MAPK4: variants seen among roughly 807,000 people sequenced by gnomAD.
The protein encoded by MAPK4 is mitogen-activated protein kinase 4, also known as Erk3-related.
Under a neutral mutation model 47.7 loss-of-function variants are expected in MAPK4, and 22 were observed. The observed-to-expected ratio is 0.46, with a 90% CI of 0.33 to 0.66. MAPK4 has a LOEUF of 0.66. Among genes scored for constraint, MAPK4 ranks in the 30% least tolerant of loss-of-function variants. The pLI is 0.02. For synonymous variants in MAPK4, 390 were observed against 365.7 expected, an observed-to-expected ratio of 1.07 and a Z score of -0.76; for missense variants, 736 against 831.7, an observed-to-expected ratio of 0.88 and a Z score of 1.42.
intron 1 of MAPK4, among the ~76,000 whole-genome samples, chr18:50,660,861 C>T (rs1017281246): frequency 3.3e-5 from 5 of 152,138 alleles, no homozygotes; most frequent in African/African-American, 9.7e-5. Context: ...AGGCTTGCCA[C>T]GTTGACATCG....
At chr18:50,706,457 G>GTTTT (rs762283107) in intron 2 of MAPK4, among the ~76,000 whole-genome samples, 1 of 140,266 alleles carries the variant, frequency 7.1e-6, no homozygotes. Context: ...CTGAACGTCA[G>GTTTT]TTTTTTTTTT....
At chr18:50,657,353 C>G (rs2043120673) in intron 1 of MAPK4, among the ~76,000 whole-genome samples, 1 of 152,130 alleles carries the variant, frequency 6.6e-6, no homozygotes, top group South Asian at 2.1e-4. Context: ...ACCCAGGGAC[C>G]AGGGAGCGCT....
chr18:50,713,181 T>C (rs531823214), intron 2 of MAPK4, among the ~76,000 whole-genome samples: 1 of 152,318 alleles, frequency 6.6e-6, no homozygotes, highest in Admixed American at 6.5e-5. Flanking sequence ...CGTATCTTGA[T>C]TGTGATGGTG....
chr18:50,649,114 G>A (rs1396796674), intron 1 of MAPK4, among the ~76,000 whole-genome samples: 1 of 152,174 alleles, frequency 6.6e-6, no homozygotes, highest in Non-Finnish European at 1.5e-5. Context: ...TAGGCCCTGG[G>A]TGCCAATCTT....
intron 1 of MAPK4, among the ~76,000 whole-genome samples, chr18:50,634,581 G>C (rs893520122): frequency 6.6e-6 from 1 of 152,076 alleles, no homozygotes; most frequent in Non-Finnish European, 1.5e-5. Flanking sequence ...TTTAGAGTGG[G>C]GATCAACTGT....
chr18:50,725,625 C>G (rs1029521503), intron 4 of MAPK4, among the ~76,000 whole-genome samples: 1 of 152,218 alleles, frequency 6.6e-6, no homozygotes. Context: ...CACTCCCCCA[C>G]CTGTGCTTGC....
intron 5 of MAPK4, among the ~76,000 whole-genome samples, chr18:50,728,655 C>T (rs1481947867): frequency 6.6e-6 from 1 of 152,218 alleles, no homozygotes; most frequent in Non-Finnish European, 1.5e-5. Flanking sequence ...CTCACTGGAG[C>T]CTTGCTCCTC....
chr18:50,663,751 C>T lies in MAPK4; in HGVS notation c.-208C>T, dbSNP rs554482377. On this transcript the variant is annotated 5_prime_UTR_variant, in exon 2 of 6. Transcript: ENST00000400384. ...CAATGCAGGTTAAGACGACAGCCTG[C>T]GCCCCCAACTAGCACAGCTCAGCGA... 19 of 494,444 alleles carry T rather than the reference C, an allele frequency of 3.8e-5. No individual in the cohort carries two copies. The highest frequency in any genetic ancestry group is 1.5e-4 in the African/African-American group (8 of 52,244). 30.6% of individuals were successfully genotyped at this position (494,444 alleles called of 1,614,324 possible). A position where few individuals can be genotyped will look rare whatever the true frequency, so the allele number is the denominator to read the frequency against.
intron 1 of MAPK4, among the ~76,000 whole-genome samples, chr18:50,562,671 C>T (rs981420925): frequency 6.6e-6 from 1 of 152,166 alleles, no homozygotes; most frequent in Non-Finnish European, 1.5e-5. Flanking sequence ...TTGAGATGCA[C>T]TGGAATATCC....
At chr18:50,655,521 G>A (rs1311812257) in intron 1 of MAPK4, among the ~76,000 whole-genome samples, 1 of 152,142 alleles carries the variant, frequency 6.6e-6, no homozygotes, top group Non-Finnish European at 1.5e-5. Flanking sequence ...AGCATGCACA[G>A]GTCACTCCAC....
chr18:50,598,046 C>T (rs1466101959), intron 1 of MAPK4, among the ~76,000 whole-genome samples: 2 of 152,194 alleles, frequency 1.3e-5, no homozygotes, highest in Admixed American at 6.5e-5. Flanking sequence ...TTCACTCTCA[C>T]ACATTCATCC....
intron 1 of MAPK4, among the ~76,000 whole-genome samples, chr18:50,634,513 G>A (rs950046370): frequency 2.0e-5 from 3 of 152,086 alleles, no homozygotes; most frequent in Non-Finnish European, 4.4e-5. Context: ...CATTGGCGTG[G>A]ATCACATCCT....
intron 2 of MAPK4, among the ~76,000 whole-genome samples, chr18:50,689,857 T>G (rs12457968): frequency 6.6e-6 from 1 of 152,200 alleles, no homozygotes; most frequent in Non-Finnish European, 1.5e-5. Flanking sequence ...TGACATGAAG[T>G]CTATTCACTA....
chr18:50,609,159 T>C (rs1389027395), intron 1 of MAPK4, among the ~76,000 whole-genome samples: 1 of 152,000 alleles, frequency 6.6e-6, no homozygotes, highest in Admixed American at 6.5e-5. Flanking sequence ...TCTCTATCTT[T>C]TCCCCACATT....
At chr18:50,653,275 CA>C (rs2043071463) in intron 1 of MAPK4, among the ~76,000 whole-genome samples, 2 of 151,746 alleles carry the variant, frequency 1.3e-5, no homozygotes, top group Admixed American at 1.3e-4. Context: ...ACAAAAGGAA[CA>C]GCAAGTGTGA....
chr18:50,719,518 A>C (rs1362314310), intron 3 of MAPK4, among the ~76,000 whole-genome samples: 1 of 152,090 alleles, frequency 6.6e-6, no homozygotes, highest in Non-Finnish European at 1.5e-5. Context: ...CTCGCCCTGG[A>C]CTCTGACTCA....
chr18:50,682,699 AC>A (rs1395958354), intron 2 of MAPK4, among the ~76,000 whole-genome samples: 2 of 152,260 alleles, frequency 1.3e-5, no homozygotes, highest in Non-Finnish European at 2.9e-5. Context: ...AGTAAAACTT[AC>A]ATCTGTCATA....
In MAPK4 at chr18:50,614,054, A is replaced by G. The variant is rs181236403; in HGVS notation, c.-870-49035A>G. Reference sequence around the variant, plus strand: ...GAAAGCTATGGTCTTGATATCATTGAAAGTTGGCAAAATGTTAAAGGTAAT... The same window carrying G: ...GAAAGCTATGGTCTTGATATCATTGGAAGTTGGCAAAATGTTAAAGGTAAT... On this transcript the variant is annotated intron_variant, in intron 1 of 5. Transcript: ENST00000400384. Among the ~76,000 whole-genome samples, 48 of 152,316 alleles carry G rather than the reference A, an allele frequency of 3.2e-4. No individual in the cohort carries two copies. In the East Asian group the frequency reaches 7.7e-3, roughly 24 times the overall value.
At chr18:50,673,895 T>C (rs1908111281) in intron 2 of MAPK4, among the ~76,000 whole-genome samples, 1 of 152,166 alleles carries the variant, frequency 6.6e-6, no homozygotes, top group South Asian at 2.1e-4. Flanking sequence ...TTTTTTTCAA[T>C]ACTTCAAAAA....
Sources: gnomAD v4.1 joint callset for allele counts (sites outside exome capture counted in the v4.1 genomes callset) on GRCh38, gnomAD v4.1.1 for gene constraint, MANE v1.5 for transcripts, NCBI Gene and HGNC (gene_info 2026-07-23, HGNC 2026-07-21) for gene names.